SGK1: variants seen among roughly 807,000 people sequenced by gnomAD.
SGK1 encodes the protein serine/threonine-protein kinase Sgk1.
A neutral mutation model predicts 64.2 loss-of-function variants in SGK1; 26 were observed. The observed-to-expected ratio is 0.40, with a 90% CI of 0.30 to 0.56. The LOEUF (loss-of-function observed/expected upper bound fraction) is 0.56. Ranked by LOEUF, SGK1 falls within the 20% of genes least tolerant of loss-of-function variation. The probability of loss-of-function intolerance (pLI) is 0.38; values close to 1 mark genes in which losing one functional copy is unlikely to be tolerated. For synonymous variants in SGK1, 265 were observed against 239.7 expected, an observed-to-expected ratio of 1.11 and a Z score of -0.98; for missense variants, 519 against 645.6, an observed-to-expected ratio of 0.80 and a Z score of 2.12.
chr6:134,181,853 T>G (rs951403029), intron 3 of SGK1, among the ~76,000 whole-genome samples: 2 of 151,792 alleles, frequency 1.3e-5, no homozygotes, highest in African/African-American at 4.8e-5. Flanking sequence ...TACCTGTGAG[T>G]TTTTTTTGTT....
chr6:134,188,010 G>A (rs530151916), intron 3 of SGK1, among the ~76,000 whole-genome samples: 13 of 152,352 alleles, frequency 8.5e-5, no homozygotes, highest in African/African-American at 3.1e-4. Context: ...GCCTTAGTGA[G>A]TGGACGTCCA....
intron 3 of SGK1, among the ~76,000 whole-genome samples, chr6:134,206,367 ATATATATATATATATATTTTTTTTTTTT>A (rs1221836966): frequency 0.094 from 779 of 8,250 alleles, 25 homozygotes; most frequent in African/African-American, 0.17. Context: ...ATATATATAT[ATATATATATATATATATTTTTTTTTTTT>A]TTTTTTTTTT....
At chr6:134,302,045 G>A (rs1212403647) in intron 1 of SGK1, among the ~76,000 whole-genome samples, 3 of 152,144 alleles carry the variant, frequency 2.0e-5, no homozygotes, top group Non-Finnish European at 4.4e-5. Context: ...TTTAGTGAAT[G>A]GGGAATAATA....
intron 1 of SGK1, among the ~76,000 whole-genome samples, chr6:134,302,631 G>C (rs1777474826): frequency 6.6e-6 from 1 of 152,198 alleles, no homozygotes; most frequent in African/African-American, 2.4e-5. Flanking sequence ...TTTGAGGTCT[G>C]TCTTGATAAT....
At chr6:134,261,637 G>A (rs1218137509) in intron 2 of SGK1, 4 of 581,228 alleles carry the variant, frequency 6.9e-6, no homozygotes, top group Non-Finnish European at 1.2e-5. Flanking sequence ...ATAAAACTCT[G>A]CTAGGGAATG....
At chr6:134,298,076 T>G in intron 1 of SGK1, 1 of 1,293,978 alleles carries the variant, frequency 7.7e-7, no homozygotes, top group Non-Finnish European at 1.1e-6. Context: ...AGTCAGCCCT[T>G]CCAGGTGAGA....
Position 134,288,497 on chromosome 6 carries a change from GCTTT to G in SGK1, c.70-26353_70-26350del, listed in dbSNP as rs559862880. Among the ~76,000 whole-genome samples, 14 of 152,252 alleles carry G rather than the reference GCTTT, an allele frequency of 9.2e-5. No homozygotes were observed. In the South Asian group the frequency reaches 2.9e-3, roughly 32 times the overall value. On this transcript the variant is annotated intron_variant, in intron 1 of 13. Transcript: ENST00000367858. ...TAAAACATAAAATCCTTGAAATTAGGCTTTCTAATGGGCAAAGAGATGTCTTCAA... is the reference window on the plus strand; with the variant it reads ...TAAAACATAAAATCCTTGAAATTAGGCTAATGGGCAAAGAGATGTCTTCAA...
chr6:134,206,798 T>G (rs571004942), intron 3 of SGK1, among the ~76,000 whole-genome samples: 1 of 131,028 alleles, frequency 7.6e-6, no homozygotes, highest in Admixed American at 8.2e-5. Context: ...ACCCTGGAGG[T>G]GGAGGTTGCA....
In SGK1 at chr6:134,260,376, C is replaced by CCCCA. The variant is rs1429938466; in HGVS notation, c.285+1556_285+1557insTGGG. On this transcript the variant is annotated intron_variant, in intron 2 of 13. Transcript: ENST00000367858. ...CTGTCTCCCTGTCCCCGACCCCCAC[C>CCCCA]CCCCCCAAAAAAAGGGCCGGCGTAG... 13 of 137,410 alleles carry CCCCA rather than the reference C, an allele frequency of 9.5e-5. 1 individual carries two copies. The highest frequency in any genetic ancestry group is 8.4e-4 in the South Asian group (3 of 3,554). The allele number at this position is 137,410 out of a possible 1,614,324, so 8.5% of individuals were successfully genotyped here. A position where few individuals can be genotyped will look rare whatever the true frequency, so the allele number is the denominator to read the frequency against.
intron 1 of SGK1, among the ~76,000 whole-genome samples, chr6:134,283,345 G>A (rs763366007): frequency 4.6e-5 from 7 of 152,010 alleles, no homozygotes; most frequent in Non-Finnish European, 8.8e-5. Context: ...ACAAAAATTA[G>A]CTGGGCGTGG....
chr6:134,288,852 A>G (rs570476450), intron 1 of SGK1, among the ~76,000 whole-genome samples: 1 of 152,368 alleles, frequency 6.6e-6, no homozygotes, highest in African/African-American at 2.4e-5. Context: ...GTCCATAAGC[A>G]GGAAACCACA....
intron 1 of SGK1, among the ~76,000 whole-genome samples, chr6:134,268,722 CA>C (rs559703087): frequency 0.024 from 1,757 of 72,340 alleles, 38 homozygotes; most frequent in South Asian, 0.04. Flanking sequence ...GACTCTGTCT[CA>C]AAAAAAAAAA....
intron 4 of SGK1, 107 bp downstream of exon 4, chr6:134,174,404 C>T (rs1192858376): frequency 1.4e-6 from 1 of 737,292 alleles, no homozygotes; most frequent in African/African-American, 1.8e-5. Context: ...ATGAGATCCC[C>T]ACCCCAGAAG....
At chr6:134,253,243 T>A (rs142746664) in intron 2 of SGK1, among the ~76,000 whole-genome samples, 93 of 152,164 alleles carry the variant, frequency 6.1e-4, no homozygotes, top group Middle Eastern at 3.4e-3. Flanking sequence ...AAGTGCTTTC[T>A]AGGCTGAAGC....
chr6:134,249,787 T>C (rs557185173), intron 2 of SGK1, among the ~76,000 whole-genome samples: 19 of 152,354 alleles, frequency 1.2e-4, no homozygotes, highest in African/African-American at 4.1e-4. Context: ...GGTCACTACC[T>C]GAAAGGTCTG....
chr6:134,176,918 A>C (rs1333468386), intron 3 of SGK1, among the ~76,000 whole-genome samples: 1 of 152,172 alleles, frequency 6.6e-6, no homozygotes, highest in Non-Finnish European at 1.5e-5. Flanking sequence ...CCACACTTAT[A>C]AAAAGCATTT....
At chr6:134,177,398 T>C (rs546121622) in intron 3 of SGK1, among the ~76,000 whole-genome samples, 1 of 152,342 alleles carries the variant, frequency 6.6e-6, no homozygotes, top group East Asian at 1.9e-4. Flanking sequence ...GCCACCCGTA[T>C]GTCATGTCCC....
chr6:134,273,592 C>CAAAAAA (rs58634499), intron 1 of SGK1, among the ~76,000 whole-genome samples: 519 of 16,224 alleles, frequency 0.032, 161 homozygotes, highest in African/African-American at 0.092. Context: ...GACTCCGTCT[C>CAAAAAA]AAAAAAAAAA....
At chr6:134,303,794 AAAAAG>A (rs71545100) in intron 1 of SGK1, among the ~76,000 whole-genome samples, 268 of 150,468 alleles carry the variant, frequency 1.8e-3, no homozygotes, top group African/African-American at 4.8e-3. Flanking sequence ...CAAGAAAAAA[AAAAAG>A]AAAAGAAAAG....
Sources: allele counts gnomAD v4.1 joint callset (sites outside exome capture counted in the v4.1 genomes callset), GRCh38; gene constraint gnomAD v4.1.1; transcripts MANE v1.5; gene names NCBI Gene and HGNC (gene_info 2026-07-23, HGNC 2026-07-21).